The following LDLRAD3 variants were observed in gnomAD, a reference collection of about 807,000 sequenced individuals.
The protein encoded by LDLRAD3 is low density lipoprotein receptor class A domain containing 3, also known as low-density lipoprotein receptor class A domain-containing protein 3.
Under a neutral mutation model 29.4 loss-of-function variants are expected in LDLRAD3, and 20 were observed. That is an observed-to-expected ratio of 0.68 (90% CI 0.48 to 0.99). The LOEUF is 0.99. LDLRAD3 is among the 50% of genes least tolerant of loss of function. LDLRAD3 has a pLI of 0.00. For missense variants in LDLRAD3, 420 were observed against 454.3 expected (o/e 0.92, Z 0.69); for synonymous variants, 157 against 192.7 (o/e 0.81, Z 1.53).
chr11:36,062,711 TC>T (rs1565194832), intron 2 of LDLRAD3, among the ~76,000 whole-genome samples: 3 of 152,146 alleles, frequency 2.0e-5, no homozygotes, highest in African/African-American at 7.2e-5. Flanking sequence ...AAGGGGCTTT[TC>T]CCCCATTTGC....
At chr11:36,186,163 G>A (rs989616010) in intron 4 of LDLRAD3, among the ~76,000 whole-genome samples, 2 of 152,120 alleles carry the variant, frequency 1.3e-5, no homozygotes, top group East Asian at 3.9e-4. Context: ...CTATGACCTC[G>A]AGCAAGTTAC....
intron 4 of LDLRAD3, among the ~76,000 whole-genome samples, chr11:36,205,734 C>G (rs1370764092): frequency 6.6e-6 from 1 of 152,192 alleles, no homozygotes; most frequent in Non-Finnish European, 1.5e-5. Flanking sequence ...TGAAAAAATA[C>G]AATTAGCTGA....
intron 4 of LDLRAD3, among the ~76,000 whole-genome samples, chr11:36,159,455 T>G (rs1402030275): frequency 2.1e-5 from 3 of 146,250 alleles, no homozygotes; most frequent in African/African-American, 7.7e-5. Context: ...AGCAACAGAG[T>G]CAGACCCTGT....
intron 2 of LDLRAD3, among the ~76,000 whole-genome samples, chr11:36,050,559 C>T (rs1027318425): frequency 6.6e-6 from 1 of 152,196 alleles, no homozygotes; most frequent in Non-Finnish European, 1.5e-5. Flanking sequence ...AGGCCACTGG[C>T]CAGTCTGATG....
chr11:36,016,822 C>G (rs1852028683), intron 1 of LDLRAD3, among the ~76,000 whole-genome samples: 1 of 152,220 alleles, frequency 6.6e-6, no homozygotes, highest in African/African-American at 2.4e-5. Context: ...TCCCTTCTGA[C>G]TCTATTGTGG....
chr11:35,997,154 CA>C, intron 1 of LDLRAD3: 1 of 274,720 alleles, frequency 3.6e-6, no homozygotes, highest in Non-Finnish European at 6.9e-6. Flanking sequence ...TTTTAGTTGT[CA>C]AATGATCCTT....
rs1173860426 is a variant in LDLRAD3 at position 36,075,111 on chromosome 11, G to A, written c.194-6542G>A. On this transcript the variant is annotated intron_variant, in intron 2 of 5. Transcript: ENST00000315571. ...TGGAAGTCTGGAAATTTGGTGTACC[G>A]AGAATGCCTGTGTGACCAGCCTCTC... Among the ~76,000 whole-genome samples the A allele has an allele frequency of 8.5e-5, 13 of 152,218 alleles. No homozygotes were observed. In the South Asian group the frequency reaches 2.5e-3, roughly 29 times the overall value.
At chr11:36,059,125 G>C (rs1852662356) in intron 2 of LDLRAD3, among the ~76,000 whole-genome samples, 1 of 152,072 alleles carries the variant, frequency 6.6e-6, no homozygotes, top group African/African-American at 2.4e-5. Flanking sequence ...CAGCATTTTG[G>C]GAGGCTAAGG....
intron 2 of LDLRAD3, among the ~76,000 whole-genome samples, chr11:36,054,097 C>G (rs1420738183): frequency 6.6e-6 from 1 of 152,202 alleles, no homozygotes; most frequent in Non-Finnish European, 1.5e-5. Context: ...TCCCTGCGCT[C>G]TCTGTTTAAT....
intron 4 of LDLRAD3, among the ~76,000 whole-genome samples, chr11:36,194,678 C>A (rs1260357147): frequency 1.3e-5 from 2 of 152,158 alleles, no homozygotes; most frequent in Non-Finnish European, 2.9e-5. Context: ...CTCAACCATA[C>A]CCCTACCAGT....
chr11:35,969,476 G>A (rs868494096), intron 1 of LDLRAD3, among the ~76,000 whole-genome samples: 31 of 152,210 alleles, frequency 2.0e-4, no homozygotes, highest in Non-Finnish European at 3.8e-4. Flanking sequence ...GTTGCAGGCA[G>A]CAGCTTTGAT....
At chr11:36,000,783 G>A (rs1176913363) in intron 1 of LDLRAD3, among the ~76,000 whole-genome samples, 1 of 152,068 alleles carries the variant, frequency 6.6e-6, no homozygotes, top group Admixed American at 6.5e-5. Context: ...ACCCATCCTC[G>A]GTGTGGGAAG....
chr11:36,122,168 C>T (rs1853769124), intron 4 of LDLRAD3, among the ~76,000 whole-genome samples: 1 of 152,056 alleles, frequency 6.6e-6, no homozygotes, highest in Non-Finnish European at 1.5e-5. Context: ...ACCTGAGGTT[C>T]TTAGTTTGGT....
chr11:36,076,372 T>C (rs766483788), intron 2 of LDLRAD3, among the ~76,000 whole-genome samples: 4 of 151,506 alleles, frequency 2.6e-5, no homozygotes, highest in Non-Finnish European at 4.4e-5. Flanking sequence ...AGCCTCAGGA[T>C]TCACTTTAGC....
chr11:36,155,789 A>G (rs756313432), intron 4 of LDLRAD3, among the ~76,000 whole-genome samples: 4 of 152,048 alleles, frequency 2.6e-5, no homozygotes, highest in Non-Finnish European at 4.4e-5. Context: ...GCGTAGCAAG[A>G]TTTTTTTCAA....
chr11:35,983,045 G>C (rs1851562829), intron 1 of LDLRAD3, among the ~76,000 whole-genome samples: 1 of 151,954 alleles, frequency 6.6e-6, no homozygotes, highest in South Asian at 2.1e-4. Flanking sequence ...GTAGAGGCAG[G>C]GTTTTACCAT....
At chr11:36,088,078 C>T (rs997219271) in intron 3 of LDLRAD3, among the ~76,000 whole-genome samples, 2 of 151,958 alleles carry the variant, frequency 1.3e-5, no homozygotes, top group African/African-American at 2.4e-5. Context: ...TGGTCTTGAA[C>T]TCCTGAGCTC....
At chr11:36,077,755 G>T (rs963359819) in intron 2 of LDLRAD3, among the ~76,000 whole-genome samples, 1 of 152,184 alleles carries the variant, frequency 6.6e-6, no homozygotes, top group African/African-American at 2.4e-5. Context: ...CTGGCTTGGG[G>T]TTGCTCCTAG....
chr11:36,160,839 G>C (rs1033989013), intron 4 of LDLRAD3, among the ~76,000 whole-genome samples: 2 of 151,776 alleles, frequency 1.3e-5, no homozygotes, highest in Non-Finnish European at 2.9e-5. Context: ...TTGTTGCCCA[G>C]GCTGGAGTGC....
Sources: allele counts gnomAD v4.1 joint callset (sites outside exome capture counted in the v4.1 genomes callset), GRCh38; gene constraint gnomAD v4.1.1; transcripts MANE v1.5; gene names NCBI Gene and HGNC (gene_info 2026-07-23, HGNC 2026-07-21).